Variants in EHBP1 observed in about 807,000 individuals in gnomAD.
EHBP1 encodes the protein EH domain-binding protein 1.
A neutral mutation model predicts 144.0 loss-of-function variants in EHBP1; 55 were observed. The observed-to-expected ratio is 0.38, with a 90% CI of 0.31 to 0.48. EHBP1 has a LOEUF of 0.48. Ranked by LOEUF, EHBP1 falls within the 20% of genes least tolerant of loss-of-function variation. The pLI is 0.98. For synonymous variants in EHBP1, 469 were observed against 472.7 expected (o/e 0.99, Z 0.10); for missense variants, 1,200 against 1,364.2 (o/e 0.88, Z 1.90).
At chr2:62,972,362 A>C (rs1190310649) in intron 14 of EHBP1, among the ~76,000 whole-genome samples, 1 of 152,198 alleles carries the variant, frequency 6.6e-6, no homozygotes, top group Non-Finnish European at 1.5e-5. Context: ...CAGTGTGGCT[A>C]TTTTGAGTAA....
chr2:62,951,511 C>T (rs974770762), intron 13 of EHBP1, among the ~76,000 whole-genome samples: 1 of 133,722 alleles, frequency 7.5e-6, no homozygotes, highest in Non-Finnish European at 1.6e-5. Flanking sequence ...ATATTCAATA[C>T]AAATTTTTCT....
chr2:62,873,502 A>G (rs535150719), intron 9 of EHBP1, among the ~76,000 whole-genome samples: 4 of 152,166 alleles, frequency 2.6e-5, no homozygotes, highest in Non-Finnish European at 5.9e-5. Flanking sequence ...TGTTCAACAT[A>G]TATCTAATAA....
intron 10 of EHBP1, among the ~76,000 whole-genome samples, chr2:62,900,542 G>A (rs2053314977): frequency 6.6e-6 from 1 of 151,786 alleles, no homozygotes; most frequent in South Asian, 2.1e-4. Context: ...GATCACTTGA[G>A]ATCAGGAGAT....
At chr2:62,933,026 A>C (rs1292881055) in intron 10 of EHBP1, among the ~76,000 whole-genome samples, 1 of 151,882 alleles carries the variant, frequency 6.6e-6, no homozygotes, top group Non-Finnish European at 1.5e-5. Context: ...AATTATTAAA[A>C]AGTTATTGAG....
chr2:62,999,820 A>G lies in EHBP1; in HGVS notation c.3103+3054A>G, dbSNP rs145285378. Among the ~76,000 whole-genome samples the G allele has an allele frequency of 6.6e-5, 10 of 152,254 alleles. No homozygotes were observed. The East Asian group carries it at 1.5e-3, about 23-fold the overall frequency. On this transcript the variant is annotated intron_variant, in intron 19 of 22. Transcript: ENST00000431489. Reference sequence around the variant, plus strand: ...ATCTCTGTTTTCATTTCTTTTGGGTATATACCGAGGATTGGAATTTCTGAA... The same window carrying G: ...ATCTCTGTTTTCATTTCTTTTGGGTGTATACCGAGGATTGGAATTTCTGAA...
rs755162058 is a variant in EHBP1 at position 63,045,360 on chromosome 2, C to T, written c.3393-50C>T. On this transcript the variant is annotated intron_variant, in intron 22 of 22. Coordinates refer to ENST00000431489, the MANE Select transcript of EHBP1 (RefSeq NM_001142616.3). The surrounding 1 kb of genome is among the most constrained non-coding windows in gnomAD (Gnocchi z 5.7). ...CGGGGGAGTGCTGCTCTGCCCTCCA[C>T]GAAGAAAAATAATTTTGTTTCCTGT... 3.8e-6 allele frequency: 6 copies of T among 1,570,836 alleles called. No individual in the cohort carries two copies. Among genetic ancestry groups the T allele is most frequent in the Admixed American group, 1.7e-5 (1 of 59,634 alleles).
At chr2:62,689,876 T>C (rs1277671039) in intron 1 of EHBP1, among the ~76,000 whole-genome samples, 1 of 152,232 alleles carries the variant, frequency 6.6e-6, no homozygotes, top group African/African-American at 2.4e-5. Flanking sequence ...GCATTAATAG[T>C]TACTACTAAA....
intron 7 of EHBP1, among the ~76,000 whole-genome samples, chr2:62,848,075 CTT>C (rs565685912): frequency 8.3e-5 from 11 of 132,298 alleles, no homozygotes; most frequent in East Asian, 4.3e-4. Context: ...TAATGAGTGT[CTT>C]TTTTTTTTTT....
intron 19 of EHBP1, among the ~76,000 whole-genome samples, chr2:63,000,266 G>A (rs541840351): frequency 5.3e-5 from 8 of 152,270 alleles, no homozygotes; most frequent in South Asian, 2.1e-4. Context: ...GGGCACCAAC[G>A]ACACAGATAG....
chr2:62,925,726 A>AAC (rs2055454019), intron 10 of EHBP1, among the ~76,000 whole-genome samples: 1 of 152,182 alleles, frequency 6.6e-6, no homozygotes, highest in Non-Finnish European at 1.5e-5. Flanking sequence ...CTACATGGAA[A>AAC]ACTGCAAAAC....
At chr2:62,833,613 T>G (rs1226488802) in intron 7 of EHBP1, among the ~76,000 whole-genome samples, 4 of 152,208 alleles carry the variant, frequency 2.6e-5, no homozygotes, top group African/African-American at 9.6e-5. Flanking sequence ...TACTCATTCC[T>G]TTTTAGTACA....
intron 12 of EHBP1, 53 bp downstream of exon 12, chr2:62,943,903 A>C: frequency 7.3e-7 from 1 of 1,373,660 alleles, no homozygotes; most frequent in Admixed American, 1.8e-5. Flanking sequence ...GCTTCTCTGC[A>C]GGTCTTTATT....
intron 2 of EHBP1, among the ~76,000 whole-genome samples, chr2:62,728,107 A>G (rs2037019610): frequency 1.3e-5 from 2 of 152,184 alleles, no homozygotes; most frequent in South Asian, 4.1e-4. Context: ...GCTATAAGTT[A>G]ATTGTTAAGC....
chr2:62,940,005 A>G, intron 10 of EHBP1: 1 of 329,398 alleles, frequency 3.0e-6, no homozygotes, highest in South Asian at 2.8e-5. Flanking sequence ...TCCCCTAACC[A>G]GCTGCAGTAT....
At chr2:63,013,305 T>C (rs989906358) in intron 19 of EHBP1, among the ~76,000 whole-genome samples, 12 of 152,200 alleles carry the variant, frequency 7.9e-5, no homozygotes, top group Admixed American at 6.5e-4. Context: ...TGACTCTCTT[T>C]GGACTTTATG....
intron 5 of EHBP1, among the ~76,000 whole-genome samples, chr2:62,798,282 C>T (rs1420342391): frequency 3.9e-5 from 6 of 151,946 alleles, no homozygotes; most frequent in Admixed American, 2.6e-4. Context: ...GCACGAGAAT[C>T]GCTTGAACCC....
At chr2:62,723,052 C>G (rs1558550232) in intron 2 of EHBP1, among the ~76,000 whole-genome samples, 2 of 152,136 alleles carry the variant, frequency 1.3e-5, no homozygotes, top group Non-Finnish European at 2.9e-5. Flanking sequence ...TTCAGGTCCT[C>G]AATATCTTTG....
At chr2:62,734,866 T>C (rs2037966036) in intron 2 of EHBP1, among the ~76,000 whole-genome samples, 1 of 152,218 alleles carries the variant, frequency 6.6e-6, no homozygotes, top group Admixed American at 6.5e-5. Context: ...AGTGCTGCGC[T>C]TACAGGCGTG....
At chr2:62,848,624 A>C (rs1396587632) in intron 7 of EHBP1, among the ~76,000 whole-genome samples, 1 of 152,242 alleles carries the variant, frequency 6.6e-6, no homozygotes, top group Non-Finnish European at 1.5e-5. Context: ...TATGCCCTAC[A>C]ACATAGATGT....
Sources: gnomAD v4.1 joint callset for allele counts (sites outside exome capture counted in the v4.1 genomes callset) on GRCh38, gnomAD v4.1.1 for gene constraint, Gnocchi (gnomAD v3.1) non-coding constraint, MANE v1.5 for transcripts, NCBI Gene and HGNC (gene_info 2026-07-23, HGNC 2026-07-21) for gene names.